ARFGEF2: variants seen among roughly 807,000 people sequenced by gnomAD.
ARFGEF2 encodes brefeldin A-inhibited guanine nucleotide-exchange protein 2.
ARFGEF2 carries 74 observed loss-of-function variants against 219.9 expected under a neutral mutation model. That is an observed-to-expected ratio of 0.34 (90% CI 0.28 to 0.41). The LOEUF is 0.41. ARFGEF2 is among the 10% of genes least tolerant of loss of function. The pLI, the probability that ARFGEF2 is intolerant of heterozygous loss-of-function variation, is 1.00. For missense variants in ARFGEF2, 1,743 were observed against 2,218.3 expected, an observed-to-expected ratio of 0.79 and a Z score of 4.30; for synonymous variants, 733 against 799.2, an observed-to-expected ratio of 0.92 and a Z score of 1.40.
chr20:48,928,444 C>T (rs1289050391), intron 1 of ARFGEF2, among the ~76,000 whole-genome samples: 1 of 145,098 alleles, frequency 6.9e-6, no homozygotes, highest in African/African-American at 2.6e-5. Flanking sequence ...GTGATCCGCC[C>T]GCCTCGGCCT....
At chr20:48,996,456 A>C (rs1319811162) in intron 23 of ARFGEF2, among the ~76,000 whole-genome samples, 3 of 73,014 alleles carry the variant, frequency 4.1e-5, no homozygotes, top group Non-Finnish European at 6.3e-5. Context: ...CTCCATCTGC[A>C]AAAAAAAAAC....
At chr20:48,958,231 C>T (rs1382130716) in intron 6 of ARFGEF2, among the ~76,000 whole-genome samples, 1 of 152,096 alleles carries the variant, frequency 6.6e-6, no homozygotes, top group Non-Finnish European at 1.5e-5. Flanking sequence ...TTTTTTCAGG[C>T]ACTGTTTTAA....
At chr20:48,941,034 A>G (rs990146129) in intron 1 of ARFGEF2, among the ~76,000 whole-genome samples, 165 bp from the exon 2 acceptor site, 2 of 152,230 alleles carry the variant, frequency 1.3e-5, no homozygotes. Flanking sequence ...AGTGTTAGCT[A>G]TTATTATTGC....
In ARFGEF2 at chr20:48,969,124, CTGATG is replaced by C. The variant is rs1568711918; in HGVS notation, c.1060-21_1060-17del. ...TACAGGTGGGTGCCACCACACCCAGCTGATGTTTGTTTCTGATCCTAGGAATCGGA... is the reference window on the plus strand; with the variant it reads ...TACAGGTGGGTGCCACCACACCCAGCTTTGTTTCTGATCCTAGGAATCGGA... On this transcript the variant is annotated intron_variant, in intron 8 of 38. Coordinates refer to ENST00000371917, the MANE Select transcript of ARFGEF2 (RefSeq NM_006420.3). 1.2e-6 allele frequency: 2 copies of C among 1,612,956 alleles called. No homozygotes were observed. Among genetic ancestry groups the C allele is most frequent in the Non-Finnish European group, 1.7e-6 (2 of 1,179,498 alleles).
chr20:48,938,671 A>T (rs539255620), intron 1 of ARFGEF2, among the ~76,000 whole-genome samples: 2 of 152,186 alleles, frequency 1.3e-5, no homozygotes, highest in East Asian at 3.9e-4. Context: ...TATTTTTTCT[A>T]TTTAACATAA....
chr20:48,980,278 G>A (rs1422117518), intron 14 of ARFGEF2, among the ~76,000 whole-genome samples: 1 of 152,210 alleles, frequency 6.6e-6, no homozygotes, highest in East Asian at 1.9e-4. Flanking sequence ...CAGTTTCCAT[G>A]TAGTTGTGTG....
rs148230420 is a variant in ARFGEF2 at position 48,952,774 on chromosome 20, A to G, written c.493A>G (p.Thr165Ala). ...GGGTACTATCCTGCAGACAGTGAGAACATGTTACAATATCTATTTGGCCAG... is the reference window on the plus strand; with the variant it reads ...GGGTACTATCCTGCAGACAGTGAGAGCATGTTACAATATCTATTTGGCCAG... ...HEGTILQTVR[T>A]CYNIYLASKN... Residue 165 changes from threonine to alanine, a missense_variant, in exon 5 of 39, where the codon ACA becomes GCA. Thr to Ala is a moderately conservative substitution (Grantham distance 58, BLOSUM62 0). Coordinates refer to ENST00000371917, the MANE Select transcript of ARFGEF2 (RefSeq NM_006420.3). 4.3e-4 allele frequency: 690 copies of G among 1,614,114 alleles called. No homozygotes were observed. Among genetic ancestry groups the G allele is most frequent in the Non-Finnish European group, 5.5e-4 (648 of 1,180,034 alleles).
At chr20:48,924,590 T>A (rs1413887484) in intron 1 of ARFGEF2, among the ~76,000 whole-genome samples, 1 of 151,032 alleles carries the variant, frequency 6.6e-6, no homozygotes, top group Non-Finnish European at 1.5e-5. Flanking sequence ...GATTACCATG[T>A]ATAGATTGTT....
At position 48,994,597 on chromosome 20, in the gene ARFGEF2, C is replaced by T. The variant is rs751240187; in HGVS notation, c.3120C>T (p.Leu1040=). The change falls in exon 22 of 39, where the codon CTC becomes CTT. Residue 1040 remains leucine, a splice_region_variant and synonymous_variant. Transcript: ENST00000371917. ...GAGAAGAGTTCATGGGCCTTGGCCT[C>T]GGTAAGACACCAGGCCCCACAGCTA... is the stretch of plus-strand genomic sequence containing the variant. ...LAGEEFMGLG[L]GNLVSGGVDK... is the part of the protein sequence containing the mutation. The T allele has an allele frequency of 5.6e-5, 90 of 1,613,522 alleles. 2 individuals carry two copies. The Middle Eastern group carries it at 1.3e-3, about 24-fold the overall frequency.
intron 6 of ARFGEF2, among the ~76,000 whole-genome samples, chr20:48,959,485 T>TC (rs2091128837): frequency 2.7e-4 from 1 of 3,692 alleles, no homozygotes; most frequent in Non-Finnish European, 5.2e-4. Context: ...CCTTCTCTTT[T>TC]CCTCCCTCCC....
chr20:48,939,400 G>GA (rs557528785), intron 1 of ARFGEF2, among the ~76,000 whole-genome samples: 39 of 152,182 alleles, frequency 2.6e-4, no homozygotes, highest in Non-Finnish European at 4.1e-4. Context: ...TGATTGGAAG[G>GA]AAAACCTACA....
At chr20:48,987,720 A>C (rs1039017148) in intron 16 of ARFGEF2, among the ~76,000 whole-genome samples, 1 of 152,114 alleles carries the variant, frequency 6.6e-6, no homozygotes, top group African/African-American at 2.4e-5. Context: ...TTGGCCCCAG[A>C]TGCTTCTTAG....
rs539344251 is a variant in ARFGEF2, at chr20:48,962,787, A to G, written c.839-1043A>G. On this transcript the variant is annotated intron_variant, in intron 6 of 38. Transcript: ENST00000371917. The stretch of plus-strand genomic sequence containing the variant: ...TTAGCACTGCCCTCCGGGACCTTAT[A>G]GATCAAGCATAGAACTCATAAAAAT... 3.0e-4 allele frequency among the ~76,000 whole-genome samples: 46 copies of G among 152,352 alleles called. No individual in the cohort carries two copies. The South Asian group carries it at 6.2e-3, about 21-fold the overall frequency.
At chr20:48,942,665 T>C (rs1225392933) in intron 3 of ARFGEF2, among the ~76,000 whole-genome samples, 2 of 152,140 alleles carry the variant, frequency 1.3e-5, no homozygotes, top group Middle Eastern at 3.4e-3. Context: ...TTTGTATTTT[T>C]AGTACAGATG....
At chr20:48,980,867 T>C (rs1360927286) in intron 14 of ARFGEF2, among the ~76,000 whole-genome samples, 1 of 152,216 alleles carries the variant, frequency 6.6e-6, no homozygotes, top group Non-Finnish European at 1.5e-5. Context: ...ATTTTGAGCC[T>C]GTGTGTGTCT....
At chr20:48,928,028 A>G (rs1387326980) in intron 1 of ARFGEF2, among the ~76,000 whole-genome samples, 1 of 152,172 alleles carries the variant, frequency 6.6e-6, no homozygotes, top group Non-Finnish European at 1.5e-5. Flanking sequence ...TTGATAGTCC[A>G]GTGATCCCTC....
intron 9 of ARFGEF2, 27 bp downstream of exon 9, chr20:48,969,304 CT>C: frequency 6.2e-7 from 1 of 1,614,004 alleles, no homozygotes; most frequent in East Asian, 2.2e-5. Flanking sequence ...TCTTGGCCAC[CT>C]TCAGTCCAAT....
intron 9 of ARFGEF2, among the ~76,000 whole-genome samples, chr20:48,969,480 C>A (rs1430612395): frequency 1.3e-5 from 2 of 152,204 alleles, no homozygotes; most frequent in Non-Finnish European, 2.9e-5. Flanking sequence ...CCCCACCAAC[C>A]AAGATTTTGC....
chr20:49,030,848 C>T (rs1166942276), intron 37 of ARFGEF2, among the ~76,000 whole-genome samples: 1 of 152,062 alleles, frequency 6.6e-6, no homozygotes, highest in Non-Finnish European at 1.5e-5. Context: ...AAAAATTAAC[C>T]AGGCATGGTG....
Sources: gnomAD v4.1 joint callset for allele counts (sites outside exome capture counted in the v4.1 genomes callset) on GRCh38, gnomAD v4.1.1 for gene constraint, MANE v1.5 for transcripts, NCBI Gene and HGNC (gene_info 2026-07-23, HGNC 2026-07-21) for gene names.